The following SCLT1 variants were observed in gnomAD, a reference collection of about 807,000 sequenced individuals.
SCLT1 encodes the protein sodium channel and clathrin linker 1, also known as sodium channel-associated protein 1.
In SCLT1, 78 loss-of-function variants were observed where a neutral mutation model predicts 112.8. The ratio of observed to expected loss-of-function variants is 0.69; its 90% CI spans 0.58 to 0.83. The LOEUF (loss-of-function observed/expected upper bound fraction) is 0.83. Among genes scored for constraint, SCLT1 ranks in the 40% least tolerant of loss-of-function variants. The pLI is 0.00. For synonymous variants in SCLT1, 257 were observed against 254.7 expected (o/e 1.01, Z -0.09); for missense variants, 747 against 770.4 (o/e 0.97, Z 0.36).
At chr4:128,990,116 T>C (rs969459249) in intron 9 of SCLT1, among the ~76,000 whole-genome samples, 1 of 151,990 alleles carries the variant, frequency 6.6e-6, no homozygotes. Context: ...AGTATCACCC[T>C]GCTACCAAAA....
chr4:128,903,823 G>A (rs1179125877), intron 18 of SCLT1, among the ~76,000 whole-genome samples: 2 of 152,114 alleles, frequency 1.3e-5, no homozygotes, highest in Admixed American at 6.5e-5. Flanking sequence ...AGACCCGGGA[G>A]GATGATTCGA....
At chr4:128,935,690 G>A (rs867182188) in intron 18 of SCLT1, among the ~76,000 whole-genome samples, 1 of 151,746 alleles carries the variant, frequency 6.6e-6, no homozygotes, top group Non-Finnish European at 1.5e-5. Flanking sequence ...TTTTATTTTT[G>A]ATTTTTACTA....
intron 19 of SCLT1, among the ~76,000 whole-genome samples, chr4:128,889,341 T>C (rs983161086): frequency 6.6e-6 from 1 of 152,028 alleles, no homozygotes; most frequent in Admixed American, 6.5e-5. Flanking sequence ...GGTGTCTTCA[T>C]AAAAGGGGAA....
At chr4:128,988,051 T>C (rs955172728) in intron 9 of SCLT1, among the ~76,000 whole-genome samples, 1 of 152,140 alleles carries the variant, frequency 6.6e-6, no homozygotes, top group African/African-American at 2.4e-5. Flanking sequence ...GAACCTGTCT[T>C]ACAAGAAATG....
intron 5 of SCLT1, among the ~76,000 whole-genome samples, chr4:129,012,987 T>G (rs1744671428): frequency 6.6e-6 from 1 of 152,184 alleles, no homozygotes; most frequent in African/African-American, 2.4e-5. Flanking sequence ...TGTCTTTTTT[T>G]GCTTTTTAAC....
At chr4:129,048,029 C>T (rs1164358661) in intron 2 of SCLT1, among the ~76,000 whole-genome samples, 2 of 151,992 alleles carry the variant, frequency 1.3e-5, no homozygotes, top group Non-Finnish European at 2.9e-5. Flanking sequence ...TTGCTTATGC[C>T]TTTGAGGTCT....
intron 9 of SCLT1, among the ~76,000 whole-genome samples, chr4:128,990,475 C>T (rs556342285): frequency 6.6e-5 from 10 of 151,942 alleles, no homozygotes; most frequent in East Asian, 1.9e-4. Context: ...GACAAACCCA[C>T]GGGTAATATC....
chr4:128,927,069 T>C (rs1736356264), intron 18 of SCLT1, among the ~76,000 whole-genome samples: 2 of 151,718 alleles, frequency 1.3e-5, no homozygotes, highest in Non-Finnish European at 2.9e-5. Context: ...AAGTACTAAA[T>C]AATACAATAA....
intron 9 of SCLT1, among the ~76,000 whole-genome samples, chr4:128,974,870 C>T (rs1008678667): frequency 6.6e-6 from 1 of 151,940 alleles, no homozygotes; most frequent in Non-Finnish European, 1.5e-5. Flanking sequence ...TAACTATTAA[C>T]AATCTTGATG....
intron 4 of SCLT1, chr4:128,874,655 C>G (rs1168172039): frequency 3.3e-5 from 5 of 152,600 alleles, no homozygotes; most frequent in Admixed American, 1.3e-4. Context: ...GCTGGGAACT[C>G]TCTATGAGGT....
At chr4:128,991,319 A>C (rs913627311) in intron 9 of SCLT1, among the ~76,000 whole-genome samples, 4 of 151,722 alleles carry the variant, frequency 2.6e-5, no homozygotes, top group African/African-American at 9.7e-5. Flanking sequence ...ATATACCAAA[A>C]TCAAATCAAA....
intron 18 of SCLT1, among the ~76,000 whole-genome samples, chr4:128,925,516 G>T (rs1018719364): frequency 1.3e-5 from 2 of 151,974 alleles, no homozygotes; most frequent in Non-Finnish European, 2.9e-5. Context: ...CAGAGATGGG[G>T]TTTCACCATG....
Position 129,044,071 on chromosome 4 carries a change from T to C in SCLT1, c.103-20A>G. The C allele has an allele frequency of 7.2e-7, 1 of 1,385,924 alleles. No individual in the cohort carries two copies. The highest frequency in any genetic ancestry group is 1.0e-6 in the Non-Finnish European group (1 of 987,626). The allele number at this position is 1,385,924 out of a possible 1,614,324, so 85.9% of individuals were successfully genotyped here. On this transcript the variant is annotated intron_variant, in intron 2 of 20. Transcript: ENST00000281142. ...AGCTTTCTATAAAAGAATGTACATC[T>C]TAAAATGTGTTCTCACATCATTCTA...
intron 9 of SCLT1, among the ~76,000 whole-genome samples, chr4:128,980,288 C>A (rs1445182603): frequency 6.6e-6 from 1 of 152,050 alleles, no homozygotes; most frequent in Non-Finnish European, 1.5e-5. Context: ...TGAGAAAAAT[C>A]TGTTAGCTAA....
At chr4:129,092,107 G>C (rs1030246019) in intron 1 of SCLT1, among the ~76,000 whole-genome samples, 1 of 152,154 alleles carries the variant, frequency 6.6e-6, no homozygotes, top group African/African-American at 2.4e-5. Context: ...GTAAAAATCA[G>C]ACCGGGCCTT....
intron 4 of SCLT1, chr4:129,040,234 A>G (rs993422880): frequency 1.4e-6 from 1 of 702,726 alleles, no homozygotes; most frequent in Non-Finnish European, 2.6e-6. Flanking sequence ...TTAAACCAAC[A>G]TGGATTAATT....
In SCLT1 at chr4:128,952,755, A is replaced by G; in HGVS notation, c.1218+14T>C. On this transcript the variant is annotated intron_variant, in intron 14 of 20. Coordinates refer to ENST00000281142, the MANE Select transcript of SCLT1 (RefSeq NM_144643.4). Reference sequence around the variant, plus strand: ...GTAATATTTGGAAGAAAATATCAGTATAGTCAAACATACCATTTGAAGGGC... The same window carrying G: ...GTAATATTTGGAAGAAAATATCAGTGTAGTCAAACATACCATTTGAAGGGC... 7.6e-7 allele frequency: 1 copy of G among 1,315,134 alleles called. No individual in the cohort carries two copies. Among genetic ancestry groups the G allele is most frequent in the East Asian group, 2.3e-5 (1 of 43,378 alleles). The allele number at this position is 1,315,134 out of a possible 1,614,324, so 81.5% of individuals were successfully genotyped here. A position where few individuals can be genotyped will look rare whatever the true frequency, so the allele number is the denominator to read the frequency against.
At chr4:128,988,041 G>C (rs2592953) in intron 9 of SCLT1, among the ~76,000 whole-genome samples, 1 of 151,730 alleles carries the variant, frequency 6.6e-6, no homozygotes, top group Non-Finnish European at 1.5e-5. Context: ...TGTCAACACC[G>C]AACCTGTCTT....
At chr4:129,010,298 T>C (rs13129706) in intron 5 of SCLT1, among the ~76,000 whole-genome samples, 9,980 of 152,226 alleles carry the variant, frequency 0.066, 468 homozygotes, top group South Asian at 0.12. Flanking sequence ...ACCAGTAGCA[T>C]GCTGTTTTGG....
Sources: allele counts gnomAD v4.1 joint callset (sites outside exome capture counted in the v4.1 genomes callset), GRCh38; gene constraint gnomAD v4.1.1; transcripts MANE v1.5; gene names NCBI Gene and HGNC (gene_info 2026-07-23, HGNC 2026-07-21).